The following DYSF variants were observed in gnomAD, a reference collection of about 807,000 sequenced individuals.
DYSF encodes the protein dystrophy-associated fer-1-like 1.
A neutral mutation model predicts 274.9 loss-of-function variants in DYSF; 212 were observed. The ratio of observed to expected loss-of-function variants is 0.77; its 90% confidence interval spans 0.69 to 0.86. The LOEUF is 0.86. DYSF is among the 40% of genes least tolerant of loss of function. The pLI, the probability that DYSF is intolerant of heterozygous loss-of-function variation, is 0.00. For synonymous variants in DYSF, 1,091 were observed against 1,078.7 expected, an observed-to-expected ratio of 1.01 and a Z score of -0.22; for missense variants, 2,666 against 2,783.2, an observed-to-expected ratio of 0.96 and a Z score of 0.95.
chr2:71,662,059 A>G (rs1267105431), intron 45 of DYSF, among the ~76,000 whole-genome samples: 3 of 152,174 alleles, frequency 2.0e-5, no homozygotes, highest in Admixed American at 1.3e-4. Context: ...TAGGGGAGCC[A>G]GTGCAGGAAC....
chr2:71,487,045 G>A (rs912142498), intron 3 of DYSF, among the ~76,000 whole-genome samples: 2 of 152,168 alleles, frequency 1.3e-5, no homozygotes, highest in Admixed American at 1.3e-4. Flanking sequence ...CGTTGGTTTG[G>A]GGCAAGGTCT....
At chr2:71,474,659 A>T (rs376464495) in intron 1 of DYSF, among the ~76,000 whole-genome samples, 41 of 152,060 alleles carry the variant, frequency 2.7e-4, no homozygotes, top group African/African-American at 9.4e-4. Context: ...CCCATGAGTG[A>T]CCCCTTCCTT....
At chr2:71,541,275 G>A (rs1484943155) in intron 17 of DYSF, among the ~76,000 whole-genome samples, 1 of 152,166 alleles carries the variant, frequency 6.6e-6, no homozygotes, top group Non-Finnish European at 1.5e-5. Flanking sequence ...TTTTGAGTGG[G>A]TATAGTAATA....
chr2:71,667,645 T>C, intron 48 of DYSF, 130 bp downstream of exon 48: 2 of 1,417,164 alleles, frequency 1.4e-6, no homozygotes, highest in Non-Finnish European at 1.9e-6. Context: ...GACCCATTTC[T>C]TCACAGTCTG....
intron 53 of DYSF, 138 bp from the exon 54 acceptor site, chr2:71,680,863 G>C (rs1450316938): frequency 2.7e-6 from 2 of 729,130 alleles, no homozygotes; most frequent in Non-Finnish European, 4.7e-6. Context: ...AAGAGCAGGT[G>C]CTGCTTTTAT....
intron 40 of DYSF, 124 bp downstream of exon 40, chr2:71,613,534 TG>T: frequency 5.5e-6 from 5 of 904,794 alleles, no homozygotes; most frequent in Non-Finnish European, 7.1e-6. Flanking sequence ...TTCTGGGCTC[TG>T]CGGTTGGACA....
At chr2:71,506,227 C>T (rs571211290) in intron 4 of DYSF, among the ~76,000 whole-genome samples, 23 of 152,134 alleles carry the variant, frequency 1.5e-4, no homozygotes, top group South Asian at 4.2e-4. Context: ...GCAGGGTGGG[C>T]GAAGGACCCC....
intron 22 of DYSF, among the ~76,000 whole-genome samples, chr2:71,558,261 A>C (rs949714987): frequency 6.6e-6 from 1 of 151,890 alleles, no homozygotes; most frequent in Non-Finnish European, 1.5e-5. Flanking sequence ...GTGCTCTGAG[A>C]GGGTCAGCAG....
chr2:71,481,365 G>C (rs947972232), intron 2 of DYSF, among the ~76,000 whole-genome samples: 1 of 152,236 alleles, frequency 6.6e-6, no homozygotes, highest in Non-Finnish European at 1.5e-5. Flanking sequence ...ATGGCTCCCG[G>C]GTGGTCCTTT....
At chr2:71,578,270 A>G (rs1041069113) in intron 30 of DYSF, among the ~76,000 whole-genome samples, 38 of 152,184 alleles carry the variant, frequency 2.5e-4, no homozygotes, top group African/African-American at 8.9e-4. Flanking sequence ...CCTCATCAAG[A>G]TGGGGCTCCC....
chr2:71,554,303 C>T (rs1410502952), intron 21 of DYSF, among the ~76,000 whole-genome samples: 1 of 152,178 alleles, frequency 6.6e-6, no homozygotes, highest in Non-Finnish European at 1.5e-5. Context: ...AAACTTCTAG[C>T]CAGAAGCTAG....
chr2:71,473,298 C>T (rs1046106918), intron 1 of DYSF, among the ~76,000 whole-genome samples: 8 of 152,244 alleles, frequency 5.3e-5, no homozygotes, highest in Admixed American at 4.6e-4. Context: ...CTTTCACTTG[C>T]TGCTGCCTTT....
At chr2:71,519,147 G>T (rs981993522) in intron 10 of DYSF, among the ~76,000 whole-genome samples, 2 of 140,434 alleles carry the variant, frequency 1.4e-5, no homozygotes, top group African/African-American at 2.7e-5. Flanking sequence ...CTGATGGCTA[G>T]ATCAGTGGGT....
At chr2:71,578,043 C>T (rs1477332195) in intron 30 of DYSF, among the ~76,000 whole-genome samples, 1 of 152,154 alleles carries the variant, frequency 6.6e-6, no homozygotes, top group Non-Finnish European at 1.5e-5. Flanking sequence ...GTAACTGAAT[C>T]CCAGGGCCAT....
rs151130199 is a variant in DYSF at position 71,506,159 on chromosome 2, G to A, written c.345+2840G>A. Reference sequence around the variant, plus strand: ...CTGGTCTGGGTTTTGGTTTTGATGAGCTCAGTGTTGGAGAGCTGTGGTCGA... The same window carrying A: ...CTGGTCTGGGTTTTGGTTTTGATGAACTCAGTGTTGGAGAGCTGTGGTCGA... On this transcript the variant is annotated intron_variant, in intron 4 of 55. Coordinates refer to ENST00000410020, the MANE Select transcript of DYSF (RefSeq NM_001130987.2). Among the ~76,000 whole-genome samples the A allele has an allele frequency of 2.2e-3, 338 of 152,144 alleles. 2 individuals are homozygous for A. The highest frequency in any genetic ancestry group is 7.7e-3 in the African/African-American group (320 of 41,432).
intron 45 of DYSF, among the ~76,000 whole-genome samples, chr2:71,663,894 C>T (rs1004899929): frequency 6.6e-6 from 1 of 152,102 alleles, no homozygotes; most frequent in Non-Finnish European, 1.5e-5. Context: ...ACTGGAGGTA[C>T]CAGTCGTCGG....
intron 33 of DYSF, among the ~76,000 whole-genome samples, chr2:71,599,995 G>T (rs933024858): frequency 6.6e-6 from 1 of 152,138 alleles, no homozygotes; most frequent in Non-Finnish European, 1.5e-5. Context: ...ACAGGCCCTG[G>T]CACCTTCGGA....
intron 36 of DYSF, among the ~76,000 whole-genome samples, chr2:71,610,419 A>C (rs1378640681): frequency 6.6e-6 from 1 of 152,244 alleles, no homozygotes; most frequent in African/African-American, 2.4e-5. Flanking sequence ...TAGTGGAGTT[A>C]GGACTCACAC....
rs2093859225 is a variant in DYSF, at chr2:71,615,410, G to C, written c.4464+2000G>C. On this transcript the variant is annotated intron_variant, in intron 40 of 55. Transcript: ENST00000410020. This position sits in a 1 kb window ranked among gnomAD's most constrained non-coding sequence, Gnocchi z 4.9. ...ATGACACTGATTTGCTCTGATGGGGGAGGCTTGGACCTTGCCCTCATGGAG... is the reference window on the plus strand; with the variant it reads ...ATGACACTGATTTGCTCTGATGGGGCAGGCTTGGACCTTGCCCTCATGGAG... 6.6e-6 allele frequency among the ~76,000 whole-genome samples: 1 copy of C among 152,112 alleles called. No homozygotes were observed. The highest frequency in any genetic ancestry group is 6.5e-5 in the Admixed American group (1 of 15,290).
Sources: gnomAD v4.1 joint callset for allele counts (sites outside exome capture counted in the v4.1 genomes callset) on GRCh38, gnomAD v4.1.1 for gene constraint, Gnocchi (gnomAD v3.1) non-coding constraint, MANE v1.5 for transcripts, NCBI Gene and HGNC (gene_info 2026-07-23, HGNC 2026-07-21) for gene names.